Variants in SYNE2 observed in about 807,000 individuals in gnomAD.
SYNE2 encodes nesprin-2.
SYNE2 carries 431 observed loss-of-function variants against 856.3 expected under a neutral mutation model. The observed-to-expected ratio is 0.50, with a 90% confidence interval of 0.47 to 0.55. The LOEUF is 0.55. Ranked by LOEUF, SYNE2 falls within the 20% of genes least tolerant of loss-of-function variation. The probability of loss-of-function intolerance (pLI) is 0.00; values close to 1 mark genes in which losing one functional copy is unlikely to be tolerated. For synonymous variants in SYNE2, 2,923 were observed against 2,872.3 expected, an observed-to-expected ratio of 1.02 and a Z score of -0.56; for missense variants, 8,129 against 8,023.2, an observed-to-expected ratio of 1.01 and a Z score of -0.50.
intron 1 of SYNE2, among the ~76,000 whole-genome samples, chr14:63,887,652 C>T (rs991111583): frequency 9.2e-5 from 14 of 151,840 alleles, no homozygotes; most frequent in African/African-American, 3.4e-4. Flanking sequence ...CAGCAAGGAA[C>T]TGGTTTTTTT....
chr14:63,964,719 T>C (rs2096366802), intron 10 of SYNE2, among the ~76,000 whole-genome samples: 1 of 151,954 alleles, frequency 6.6e-6, no homozygotes, highest in African/African-American at 2.4e-5. Flanking sequence ...AGACAGGGTT[T>C]CTCCATGTTG....
intron 45 of SYNE2, among the ~76,000 whole-genome samples, chr14:64,039,177 G>A (rs1408162862): frequency 6.6e-6 from 1 of 152,212 alleles, no homozygotes; most frequent in East Asian, 1.9e-4. Flanking sequence ...TAAAGCTTTA[G>A]AGAAAAAAGA....
At chr14:63,984,555 T>C (rs1002012957) in intron 18 of SYNE2, among the ~76,000 whole-genome samples, 2 of 152,232 alleles carry the variant, frequency 1.3e-5, no homozygotes, top group Non-Finnish European at 2.9e-5. Flanking sequence ...GGGGAAAATA[T>C]TCTATTTCTT....
chr14:64,078,449 C>T lies in SYNE2; in HGVS notation c.11023-17C>T. On this transcript the variant is annotated splice_polypyrimidine_tract_variant and intron_variant, in intron 54 of 115. Coordinates refer to ENST00000555002, the MANE Select transcript of SYNE2 (RefSeq NM_182914.3). ...GACAACCTCTCTAAGCCAAATGCGT[C>T]TTTGTCTCTTTCACAGATTAGCAAT... is the stretch of plus-strand genomic sequence containing the variant. 6.2e-7 allele frequency: 1 copy of T among 1,613,444 alleles called. No homozygotes were observed. The highest frequency in any genetic ancestry group is 2.2e-5 in the East Asian group (1 of 44,838).
chr14:63,975,720 A>G (rs546446605), intron 11 of SYNE2, among the ~76,000 whole-genome samples: 2 of 152,272 alleles, frequency 1.3e-5, no homozygotes, highest in East Asian at 1.9e-4. Context: ...AGGTGCTTCC[A>G]TGTTGGCATT....
At chr14:64,081,633 T>C in intron 57 of SYNE2, 53 bp downstream of exon 57, 1 of 1,597,692 alleles carries the variant, frequency 6.3e-7, no homozygotes, top group Non-Finnish European at 8.6e-7. Context: ...TAAAGATTCG[T>C]GGCTTAGCTG....
At position 64,168,874 on chromosome 14, in the gene SYNE2, C is replaced by T. The variant is rs758737518; in HGVS notation, c.16906-3C>T. 3.7e-6 allele frequency: 6 copies of T among 1,606,958 alleles called. No individual in the cohort carries two copies. In the South Asian group the frequency reaches 6.6e-5, roughly 18 times the overall value. The stretch of plus-strand genomic sequence containing the variant: ...GATATTTTCTGCTTGGACTCATATA[C>T]AGATGTTAGAAGCTGAAGTTTCTAT... On this transcript the variant is annotated splice_region_variant and splice_polypyrimidine_tract_variant and intron_variant, in intron 92 of 115. Coordinates refer to ENST00000555002, the MANE Select transcript of SYNE2 (RefSeq NM_182914.3).
At position 64,024,344 on chromosome 14, in the gene SYNE2, C is replaced by A; in HGVS notation, c.5725C>A (p.His1909Asn). ...TGTGAAGAAGCATCTGCCCAAAGCA[C>A]ATGTGAAGGAGCTTATCAGTTGGCT... Reference protein sequence around the residue: ...KHVKKHLPKAHVKELISWLVG... With the variant: ...KHVKKHLPKANVKELISWLVG... The change falls in exon 39 of 116, where the codon CAT becomes AAT. Residue 1909 changes from histidine (H) to asparagine (N), a missense_variant. This residue lies in a region of SYNE2 where 2,422 missense variants were observed against 2,357.4 expected (regional missense o/e 1.03). Coordinates refer to ENST00000555002, the MANE Select transcript of SYNE2 (RefSeq NM_182914.3). 6.2e-7 allele frequency: 1 copy of A among 1,614,094 alleles called. No individual in the cohort carries two copies. The highest frequency in any genetic ancestry group is 8.5e-7 in the Non-Finnish European group (1 of 1,179,984).
At chr14:64,193,772 A>T (rs2098528740) in intron 99 of SYNE2, among the ~76,000 whole-genome samples, 1 of 152,214 alleles carries the variant, frequency 6.6e-6, no homozygotes, top group African/African-American at 2.4e-5. Flanking sequence ...CCATTGTTGG[A>T]TAGATAGGAG....
chr14:64,035,320 C>G (rs376856961), intron 45 of SYNE2, among the ~76,000 whole-genome samples: 6 of 151,574 alleles, frequency 4.0e-5, no homozygotes, highest in African/African-American at 1.5e-4. Context: ...TAAATTATGT[C>G]TATTTCTGGT....
At chr14:64,116,997 A>G (rs1452631570) in intron 66 of SYNE2, among the ~76,000 whole-genome samples, 4 of 152,246 alleles carry the variant, frequency 2.6e-5, no homozygotes, top group African/African-American at 4.8e-5. Context: ...CATATTGTTT[A>G]AACTTAGAAG....
chr14:63,957,361 T>G (rs763685964), intron 8 of SYNE2, among the ~76,000 whole-genome samples: 14 of 150,342 alleles, frequency 9.3e-5, no homozygotes, highest in Non-Finnish European at 1.9e-4. Context: ...TTCCATCTCC[T>G]TGGTTCAAGT....
At chr14:63,804,467 GTTTTC>G (rs544908613) in intron 1 of SYNE2, among the ~76,000 whole-genome samples, 26 of 151,824 alleles carry the variant, frequency 1.7e-4, no homozygotes, top group East Asian at 5.8e-4. Flanking sequence ...TATTTCCTAG[GTTTTC>G]TTTTCTTTTC....
intron 8 of SYNE2, among the ~76,000 whole-genome samples, chr14:63,961,077 T>A (rs1448631760): frequency 1.3e-5 from 2 of 152,204 alleles, no homozygotes; most frequent in Non-Finnish European, 2.9e-5. Context: ...CCGTACAATA[T>A]ATGCTTTTGG....
At chr14:63,918,888 G>A (rs890464134) in intron 2 of SYNE2, among the ~76,000 whole-genome samples, 8 of 152,144 alleles carry the variant, frequency 5.3e-5, no homozygotes, top group African/African-American at 1.7e-4. Context: ...CATTGGAATC[G>A]TTTGCCTTTT....
intron 96 of SYNE2, 70 bp downstream of exon 96, chr14:64,177,553 T>C (rs1241079555): frequency 6.3e-7 from 1 of 1,594,868 alleles, no homozygotes; most frequent in Admixed American, 1.7e-5. Context: ...AGTGCTTCTT[T>C]GCCTCTTTCT....
intron 45 of SYNE2, among the ~76,000 whole-genome samples, chr14:64,040,394 CA>C (rs925389043): frequency 1.3e-5 from 2 of 151,404 alleles, no homozygotes; most frequent in Non-Finnish European, 2.9e-5. Flanking sequence ...ACTTTGAGAA[CA>C]AAAGGACGGA....
At chr14:63,884,619 TAGGTGAGAGAGTGTGTGCAAAGACGGGA>T (rs1218243252) in intron 1 of SYNE2, among the ~76,000 whole-genome samples, 1 of 151,888 alleles carries the variant, frequency 6.6e-6, no homozygotes. Flanking sequence ...GTGGATGGAA[TAGGTGAGAGAGTGTGTGCAAAGACGGGA>T]AGGTGAGAGA....
At chr14:63,762,106 TATG>T in intron 1 of SYNE2, 1 of 470,904 alleles carries the variant, frequency 2.1e-6, no homozygotes, top group Non-Finnish European at 4.4e-6. Context: ...TGTTGAAAAA[TATG>T]ATCCTACGAT....
Sources: allele counts gnomAD v4.1 joint callset (sites outside exome capture counted in the v4.1 genomes callset), GRCh38; gene constraint gnomAD v4.1.1; regional missense constraint gnomAD v4.1.1; transcripts MANE v1.5; gene names NCBI Gene and HGNC (gene_info 2026-07-23, HGNC 2026-07-21).